Variants in NEBL observed in about 807,000 individuals in gnomAD.
The protein encoded by NEBL is nebulette.
NEBL carries 122 observed loss-of-function variants against 140.2 expected under a neutral mutation model. The observed-to-expected ratio is 0.87, with a 90% CI of 0.75 to 1.01. The LOEUF is 1.01. NEBL is among the 50% of genes least tolerant of loss of function. NEBL has a pLI of 0.00. For missense variants in NEBL, 1,365 were observed against 1,231.3 expected (o/e 1.11, Z -1.62); for synonymous variants, 436 against 398.9 (o/e 1.09, Z -1.11).
intron 14 of NEBL, among the ~76,000 whole-genome samples, chr10:20,832,768 C>T (rs536304619): frequency 9.9e-4 from 151 of 152,288 alleles, no homozygotes; most frequent in Non-Finnish European, 9.6e-4. Context: ...AAACAAAAAT[C>T]TCAGTCTTGG....
intron 3 of NEBL, among the ~76,000 whole-genome samples, chr10:20,992,769 T>TA (rs1837513819): frequency 9.6e-6 from 1 of 104,238 alleles, no homozygotes; most frequent in African/African-American, 4.4e-5. Flanking sequence ...CAAAGTCTTT[T>TA]TTTTTTTTTT....
chr10:20,963,273 T>C (rs1324971007), intron 3 of NEBL, among the ~76,000 whole-genome samples: 1 of 152,184 alleles, frequency 6.6e-6, no homozygotes, highest in Non-Finnish European at 1.5e-5. Context: ...CAGCGTTTAA[T>C]GCCTAACTAA....
chr10:20,849,390 C>T (rs1842285017), intron 11 of NEBL, among the ~76,000 whole-genome samples: 1 of 152,228 alleles, frequency 6.6e-6, no homozygotes, highest in South Asian at 2.1e-4. Context: ...TTGAATGTGT[C>T]CCTTCAAAGT....
intron 3 of NEBL, among the ~76,000 whole-genome samples, chr10:21,243,204 A>G (rs906299526): frequency 6.6e-6 from 1 of 152,078 alleles, no homozygotes; most frequent in African/African-American, 2.4e-5. Context: ...CATCCATTCA[A>G]GATATCTAGA....
chr10:20,954,377 G>GA (rs1835678338), intron 4 of NEBL, among the ~76,000 whole-genome samples: 1 of 152,142 alleles, frequency 6.6e-6, no homozygotes. Context: ...GGTCTGTATA[G>GA]AAAAAAAGAC....
chr10:21,065,359 A>C (rs1023154416), intron 2 of NEBL, among the ~76,000 whole-genome samples: 3 of 152,216 alleles, frequency 2.0e-5, no homozygotes, highest in African/African-American at 7.2e-5. Flanking sequence ...CTCTGGGAGA[A>C]TTTGAGATGA....
chr10:20,927,092 G>C (rs1473351637), intron 4 of NEBL, among the ~76,000 whole-genome samples: 1 of 152,192 alleles, frequency 6.6e-6, no homozygotes, highest in African/African-American at 2.4e-5. Context: ...ACTGCATGTG[G>C]AGAGACAGAA....
intron 2 of NEBL, among the ~76,000 whole-genome samples, chr10:21,097,517 T>C (rs1028116910): frequency 6.6e-6 from 1 of 152,174 alleles, no homozygotes; most frequent in East Asian, 1.9e-4. Flanking sequence ...CTGTTTTCTA[T>C]AGCAATAGGC....
At chr10:20,903,618 A>C (rs1847967598) in intron 4 of NEBL, among the ~76,000 whole-genome samples, 1 of 152,220 alleles carries the variant, frequency 6.6e-6, no homozygotes, top group South Asian at 2.1e-4. Flanking sequence ...AACCAGACTC[A>C]CTGGACATCA....
chr10:20,870,637 A>G (rs759780895), intron 5 of NEBL, among the ~76,000 whole-genome samples: 106 of 152,230 alleles, frequency 7.0e-4, no homozygotes, highest in Non-Finnish European at 1.1e-3. Context: ...TCAACTACAC[A>G]CTTCTCTCCC....
intron 24 of NEBL, among the ~76,000 whole-genome samples, chr10:20,810,348 T>C (rs531056277): frequency 5.1e-4 from 78 of 152,014 alleles, no homozygotes; most frequent in Non-Finnish European, 6.9e-4. Flanking sequence ...GAGAAGTTTA[T>C]GTTTAAAAAA....
At chr10:21,180,275 G>T (rs1377769420) in intron 3 of NEBL, among the ~76,000 whole-genome samples, 1 of 152,190 alleles carries the variant, frequency 6.6e-6, no homozygotes, top group African/African-American at 2.4e-5. Flanking sequence ...GCAGCAAAAG[G>T]AAACTAATAC....
rs146060869 is a variant in NEBL, at chr10:21,016,486, A to G, written c.249+3631T>C. On this transcript the variant is annotated intron_variant, in intron 3 of 6. Coordinates refer to the NEBL transcript ENST00000417816. ...AAGAGAAAATTTTTTAAAGAAAGAG[A>G]TAACAGTGGGTAACTATAAATAACT... Among the ~76,000 whole-genome samples the G allele has an allele frequency of 8.4e-3, 1,285 of 152,352 alleles. 10 individuals carry two copies. Among genetic ancestry groups the G allele is most frequent in the Admixed American group, 0.018 (275 of 15,304 alleles).
rs369716928 is a variant in NEBL at position 20,817,195 on chromosome 10, C to T, written c.2148+405G>A. Among the ~76,000 whole-genome samples, 1,074 of 152,106 alleles carry T rather than the reference C, an allele frequency of 7.1e-3. 14 individuals carry two copies. Among genetic ancestry groups the T allele is most frequent in the African/African-American group, 0.025 (1,019 of 41,498 alleles). On this transcript the variant is annotated intron_variant, in intron 21 of 27. Coordinates refer to ENST00000377122, the MANE Select transcript of NEBL (RefSeq NM_006393.3). ...AGGAGTTTGAGACCAGCCCAAACCCCGTCTCTACAAAAAATACAAAAATTA... is the reference window on the plus strand; with the variant it reads ...AGGAGTTTGAGACCAGCCCAAACCCTGTCTCTACAAAAAATACAAAAATTA...
In NEBL at chr10:21,233,765, T is replaced by TA. The variant is rs1221499951; in HGVS notation, n.348+14155_348+14156insT. Among the ~76,000 whole-genome samples, 167 of 142,842 alleles carry TA rather than the reference T, an allele frequency of 1.2e-3. 5 individuals are homozygous for TA. Among genetic ancestry groups the TA allele is most frequent in the South Asian group, 3.5e-3 (16 of 4,590 alleles). The allele number at this position is 142,842 out of a possible 152,430, so 93.7% of individuals were successfully genotyped here. A position where few individuals can be genotyped will look rare whatever the true frequency, so the allele number is the denominator to read the frequency against. ...GATATATATTACATATAGATATATA[T>TA]TACATATAAATGCATATATATGCAT... On this transcript the variant is annotated intron_variant and non_coding_transcript_variant, in intron 3 of 8. Coordinates refer to the NEBL transcript ENST00000675702.
At chr10:21,105,914 G>T (rs563720332) in intron 2 of NEBL, among the ~76,000 whole-genome samples, 24 of 152,248 alleles carry the variant, frequency 1.6e-4, no homozygotes, top group Non-Finnish European at 2.6e-4. Flanking sequence ...TTGTGGTTTT[G>T]ATTTGCATTT....
chr10:20,972,784 A>G (rs1296340220), intron 3 of NEBL, among the ~76,000 whole-genome samples: 1 of 152,104 alleles, frequency 6.6e-6, no homozygotes, highest in Non-Finnish European at 1.5e-5. Flanking sequence ...ATGTAAATGC[A>G]TTATACTTAG....
At chr10:20,972,079 A>G (rs1836598475) in intron 3 of NEBL, among the ~76,000 whole-genome samples, 1 of 152,256 alleles carries the variant, frequency 6.6e-6, no homozygotes, top group Non-Finnish European at 1.5e-5. Flanking sequence ...TAATTAGGAA[A>G]TGAGTCATTC....
intron 2 of NEBL, among the ~76,000 whole-genome samples, chr10:21,123,813 C>T (rs1838691112): frequency 6.6e-6 from 1 of 150,498 alleles, no homozygotes; most frequent in African/African-American, 2.4e-5. Flanking sequence ...TACATAATCT[C>T]CAATTGGTTG....
Sources: allele counts gnomAD v4.1 joint callset (sites outside exome capture counted in the v4.1 genomes callset), GRCh38; gene constraint gnomAD v4.1.1; transcripts MANE v1.5; gene names NCBI Gene and HGNC (gene_info 2026-07-23, HGNC 2026-07-21).